Variants in PICALM observed in about 807,000 individuals in gnomAD.
PICALM encodes phosphatidylinositol binding clathrin assembly protein, also known as phosphatidylinositol-binding clathrin assembly protein.
PICALM carries 40 observed loss-of-function variants against 80.5 expected under a neutral mutation model. The ratio of observed to expected loss-of-function variants is 0.50; its 90% CI spans 0.39 to 0.65. PICALM has a LOEUF of 0.65. Ranked by LOEUF, PICALM falls within the 30% of genes least tolerant of loss-of-function variation. The pLI is 0.00. For synonymous variants in PICALM, 288 were observed against 260.3 expected, an observed-to-expected ratio of 1.11 and a Z score of -1.02; for missense variants, 676 against 778.9, an observed-to-expected ratio of 0.87 and a Z score of 1.57.
Position 85,993,197 on chromosome 11 carries a change from C to T in PICALM, c.1259-2798G>A, listed in dbSNP as rs548065012. 2.6e-5 allele frequency among the ~76,000 whole-genome samples: 4 copies of T among 152,114 alleles called. No individual in the cohort carries two copies. In the South Asian group the frequency reaches 8.3e-4, roughly 32 times the overall value. ...ACCTTTCTGTGCTCAAGCAATCCCC[C>T]CACTTTAGCCTTCTGAGTAGCTGGG... is the stretch of plus-strand genomic sequence containing the variant. On this transcript the variant is annotated intron_variant, in intron 12 of 19. Coordinates refer to ENST00000393346, the MANE Select transcript of PICALM (RefSeq NM_007166.4).
intron 1 of PICALM, among the ~76,000 whole-genome samples, chr11:86,054,174 A>T (rs2096235260): frequency 6.6e-6 from 1 of 152,246 alleles, no homozygotes; most frequent in African/African-American, 2.4e-5. Context: ...GTATAACAAC[A>T]TTCGGAGGTC....
chr11:85,987,094 A>G (rs1358327474), intron 13 of PICALM, among the ~76,000 whole-genome samples: 11 of 152,252 alleles, frequency 7.2e-5, no homozygotes, highest in Non-Finnish European at 1.6e-4. Flanking sequence ...TGGTAGTTTC[A>G]CAATAAATTA....
chr11:86,007,396 A>G (rs555748813), intron 8 of PICALM, 146 bp downstream of exon 8: 2 of 541,508 alleles, frequency 3.7e-6, no homozygotes, highest in South Asian at 4.2e-5. Context: ...GTGTTAGAAC[A>G]ATCTTCAGGA....
At chr11:86,061,468 G>A (rs975676887) in intron 1 of PICALM, among the ~76,000 whole-genome samples, 4 of 151,476 alleles carry the variant, frequency 2.6e-5, no homozygotes, top group African/African-American at 4.9e-5. Flanking sequence ...TGACCTTAAC[G>A]GACACCTCAC....
chr11:85,993,378 A>C (rs773362241), intron 12 of PICALM, among the ~76,000 whole-genome samples: 1 of 151,778 alleles, frequency 6.6e-6, no homozygotes, highest in Non-Finnish European at 1.5e-5. Context: ...GAGCCACTGC[A>C]CCCAGTCTAA....
In PICALM at chr11:86,014,970, T is replaced by A. The variant is rs370639915; in HGVS notation, c.453-7A>T. The A allele has an allele frequency of 3.3e-6, 5 of 1,528,302 alleles. No homozygotes were observed. The highest frequency in any genetic ancestry group is 1.9e-5 in the Admixed American group (1 of 53,378). 94.7% of individuals were successfully genotyped at this position (1,528,302 alleles called of 1,614,324 possible). ...TCTCATAACTCCATCAGCCCTGTTATGAAAAAACCAGAGAAATAAACAAAT... is the reference window on the plus strand; with the variant it reads ...TCTCATAACTCCATCAGCCCTGTTAAGAAAAAACCAGAGAAATAAACAAAT... On this transcript the variant is annotated splice_polypyrimidine_tract_variant and splice_region_variant and intron_variant, in intron 4 of 19. Transcript: ENST00000393346.
intron 19 of PICALM, among the ~76,000 whole-genome samples, chr11:85,968,906 C>T (rs1054853844): frequency 2.0e-5 from 3 of 149,352 alleles, no homozygotes; most frequent in Admixed American, 6.7e-5. Context: ...TGTTGTTAAA[C>T]AATTCCATGA....
intron 17 of PICALM, among the ~76,000 whole-genome samples, chr11:85,980,592 C>CAT (rs999811415): frequency 1.3e-5 from 2 of 151,968 alleles, no homozygotes; most frequent in African/African-American, 4.8e-5. Context: ...AACACATTGT[C>CAT]ATATATATAA....
chr11:86,011,765 A>G (rs1276606423), intron 6 of PICALM, among the ~76,000 whole-genome samples: 1 of 151,922 alleles, frequency 6.6e-6, no homozygotes, highest in African/African-American at 2.4e-5. Flanking sequence ...AGAAAACAAT[A>G]TTCTTCTGGG....
chr11:86,068,091 G>A (rs762317673), intron 1 of PICALM, among the ~76,000 whole-genome samples: 4 of 152,216 alleles, frequency 2.6e-5, no homozygotes, highest in Non-Finnish European at 5.9e-5. Context: ...CAGGAGGGAA[G>A]GTGGAACAGA....
At chr11:86,051,774 A>T (rs770627962) in intron 1 of PICALM, among the ~76,000 whole-genome samples, 3 of 152,218 alleles carry the variant, frequency 2.0e-5, no homozygotes. Context: ...CTCATTCCAT[A>T]TAAGTTTTCT....
At position 86,008,952 on chromosome 11, in the gene PICALM, C is replaced by CAAAAAAAAA. The variant is rs59740555; in HGVS notation, c.766-1378_766-1370dup. Among the ~76,000 whole-genome samples the CAAAAAAAAA allele has an allele frequency of 1.9e-4, 12 of 62,814 alleles. 1 individual carries two copies. The highest frequency in any genetic ancestry group is 4.3e-4 in the African/African-American group (7 of 16,402). The allele number at this position is 62,814 out of a possible 152,430, so 41.2% of individuals were successfully genotyped here. A position where few individuals can be genotyped will look rare whatever the true frequency, so the allele number is the denominator to read the frequency against. Reference sequence around the variant, plus strand: ...CCAGAAAAAGGAAAAAAAAAAAAGCCAAAAAAAAAAAAAAAGAAAAAAAGC... The same window carrying CAAAAAAAAA: ...CCAGAAAAAGGAAAAAAAAAAAAGCCAAAAAAAAAAAAAAAAAAAAAAAAGAAAAAAAGC... On this transcript the variant is annotated intron_variant, in intron 7 of 19. Coordinates refer to ENST00000393346, the MANE Select transcript of PICALM (RefSeq NM_007166.4).
At chr11:86,027,203 A>T (rs1448498915) in intron 2 of PICALM, among the ~76,000 whole-genome samples, 1 of 152,174 alleles carries the variant, frequency 6.6e-6, no homozygotes, top group Admixed American at 6.5e-5. Context: ...ATATTTCTTC[A>T]TGGTCTCCAT....
chr11:85,982,216 T>C (rs2094459468), intron 14 of PICALM: 7 of 500,126 alleles, frequency 1.4e-5, no homozygotes, highest in South Asian at 1.1e-4. Context: ...ACAGAAATCA[T>C]CTCTTATCTC....
chr11:86,026,101 G>T (rs2095645490), intron 3 of PICALM, among the ~76,000 whole-genome samples, 191 bp downstream of exon 3: 1 of 152,090 alleles, frequency 6.6e-6, no homozygotes, highest in African/African-American at 2.4e-5. Context: ...CCGTCTCAGA[G>T]AGCTCTGAGT....
chr11:85,996,916 G>A lies in PICALM; in HGVS notation c.1168C>T (p.Pro390Ser), dbSNP rs779110334. 1.9e-6 allele frequency: 3 copies of A among 1,610,934 alleles called. No individual in the cohort carries two copies. The highest frequency in any genetic ancestry group is 1.1e-5 in the South Asian group (1 of 90,824). ...TGCTGCAAATCAAGCAGATCATTGG[G>A]CAGCTTTGATGTGCTAGAAAGATAT... The part of the protein sequence containing the change: ...PSSSNSTSKL[P>S]NDLLDLQQPT... The change falls in exon 12 of 20, where the codon CCC becomes TCC. Residue 390 changes from proline (P) to serine (S), a missense_variant. Physicochemically the swap from Pro to Ser is moderately conservative, Grantham distance 74. Transcript: ENST00000393346.
chr11:85,991,105 A>C (rs1274410984), intron 12 of PICALM, among the ~76,000 whole-genome samples: 2 of 152,178 alleles, frequency 1.3e-5, no homozygotes, highest in Non-Finnish European at 2.9e-5. Context: ...TCCTTTATCT[A>C]AAGTTATTCT....
intron 12 of PICALM, among the ~76,000 whole-genome samples, chr11:85,990,981 CT>C (rs2094754183): frequency 6.6e-6 from 1 of 152,176 alleles, no homozygotes. Flanking sequence ...ACTTAATAGA[CT>C]GCGAACACCT....
chr11:86,015,913 A>C (rs78278955), intron 4 of PICALM, among the ~76,000 whole-genome samples: 5,714 of 152,338 alleles, frequency 0.038, 167 homozygotes, highest in Middle Eastern at 0.11. Flanking sequence ...AGCTATAAAA[A>C]GCAACAACTG....
Sources: allele counts gnomAD v4.1 joint callset (sites outside exome capture counted in the v4.1 genomes callset), GRCh38; gene constraint gnomAD v4.1.1; transcripts MANE v1.5; gene names NCBI Gene and HGNC (gene_info 2026-07-23, HGNC 2026-07-21).